GRM5: variants seen among roughly 807,000 people sequenced by gnomAD.
The protein encoded by GRM5 is metabotropic glutamate receptor 5.
A neutral mutation model predicts 83.1 loss-of-function variants in GRM5; 19 were observed. The ratio of observed to expected loss-of-function variants is 0.23; its 90% CI spans 0.16 to 0.34. GRM5 has a LOEUF of 0.34. GRM5 is among the 10% of genes least tolerant of loss of function. The pLI is 1.00. For missense variants in GRM5, 1,160 were observed against 1,588.3 expected (o/e 0.73, Z 4.58); for synonymous variants, 675 against 633.6 (o/e 1.07, Z -0.98).
Position 88,637,731 on chromosome 11 carries a change from G to C in GRM5, c.1147+15437C>G, listed in dbSNP as rs1396572499. Among the ~76,000 whole-genome samples the C allele has an allele frequency of 3.9e-4, 58 of 148,434 alleles. 1 individual carries two copies. Among genetic ancestry groups the C allele is most frequent in the Admixed American group, 3.5e-3 (52 of 14,806 alleles). On this transcript the variant is annotated intron_variant, in intron 4 of 9. Transcript: ENST00000305447. ...GGGAGTGTAAACTAGTTCAACCATT[G>C]TGGAAGTCAGTGTGGTGATTCCTCA... is the stretch of plus-strand genomic sequence containing the variant.
rs1055089985 is a variant in GRM5, at chr11:88,686,870, G to A, written c.912-33467C>T. Among the ~76,000 whole-genome samples, 11 of 151,900 alleles carry A rather than the reference G, an allele frequency of 7.2e-5. 1 individual carries two copies. The South Asian group carries it at 1.0e-3, about 14-fold the overall frequency. On this transcript the variant is annotated intron_variant, in intron 3 of 9. Coordinates refer to ENST00000305447, the MANE Select transcript of GRM5 (RefSeq NM_001143831.3). ...TTGTCTTTATCAGCAGCATGAAAACGGACTAATACAGACTCTCATGGCACT... is the reference window on the plus strand; with the variant it reads ...TTGTCTTTATCAGCAGCATGAAAACAGACTAATACAGACTCTCATGGCACT...
At chr11:88,996,125 G>T (rs960595182) in intron 2 of GRM5, among the ~76,000 whole-genome samples, 1 of 152,132 alleles carries the variant, frequency 6.6e-6, no homozygotes, top group African/African-American at 2.4e-5. Context: ...ATCACCCAAC[G>T]TATTAGTTTC....
chr11:88,676,431 G>A, intron 3 of GRM5, among the ~76,000 whole-genome samples: 1 of 151,942 alleles, frequency 6.6e-6, no homozygotes, highest in East Asian at 1.9e-4. Flanking sequence ...ATACACACTT[G>A]AAGTTCCTTG....
intron 4 of GRM5, among the ~76,000 whole-genome samples, chr11:88,636,354 A>T (rs1442705074): frequency 6.6e-6 from 1 of 152,170 alleles, no homozygotes; most frequent in Non-Finnish European, 1.5e-5. Context: ...CCTACTAGAA[A>T]TACCAAAATT....
chr11:88,634,598 A>G (rs938139069), intron 4 of GRM5, among the ~76,000 whole-genome samples: 1 of 152,198 alleles, frequency 6.6e-6, no homozygotes, highest in African/African-American at 2.4e-5. Flanking sequence ...TTCAGGGGCA[A>G]TAACACACGG....
At chr11:88,863,398 T>A (rs1171851273) in intron 2 of GRM5, among the ~76,000 whole-genome samples, 1 of 150,652 alleles carries the variant, frequency 6.6e-6, no homozygotes, top group African/African-American at 2.4e-5. Flanking sequence ...TAAAAAAAAA[T>A]GATACATATA....
chr11:88,764,237 G>A (rs1343530788), intron 3 of GRM5, among the ~76,000 whole-genome samples: 1 of 151,548 alleles, frequency 6.6e-6, no homozygotes, highest in Admixed American at 6.6e-5. Context: ...GATTTAAAGA[G>A]AGAATAGTCC....
At chr11:89,030,822 A>G (rs1941244113) in intron 2 of GRM5, among the ~76,000 whole-genome samples, 1 of 152,060 alleles carries the variant, frequency 6.6e-6, no homozygotes, top group Non-Finnish European at 1.5e-5. Flanking sequence ...TTCTAATACT[A>G]TGGACAAACA....
chr11:88,957,174 G>A (rs1938643986), intron 2 of GRM5, among the ~76,000 whole-genome samples: 1 of 152,164 alleles, frequency 6.6e-6, no homozygotes, highest in African/African-American at 2.4e-5. Context: ...CGATGAGTAG[G>A]AATTTTCCAG....
At chr11:88,966,483 A>G (rs1938966316) in intron 2 of GRM5, among the ~76,000 whole-genome samples, 1 of 152,292 alleles carries the variant, frequency 6.6e-6, no homozygotes, top group Middle Eastern at 3.4e-3. Context: ...ATAAATACCA[A>G]TATCAGGAAT....
At chr11:88,983,524 C>T (rs555011109) in intron 2 of GRM5, among the ~76,000 whole-genome samples, 59 of 152,282 alleles carry the variant, frequency 3.9e-4, no homozygotes, top group African/African-American at 1.3e-3. Flanking sequence ...TGTGGTGATG[C>T]TGGTGTACAA....
chr11:88,933,039 G>A (rs963710242), intron 2 of GRM5, among the ~76,000 whole-genome samples: 3 of 151,720 alleles, frequency 2.0e-5, no homozygotes, highest in Non-Finnish European at 4.4e-5. Flanking sequence ...TCATCTCAGA[G>A]ACAAGTCTTC....
chr11:88,733,040 A>T (rs1300628443), intron 3 of GRM5, among the ~76,000 whole-genome samples: 1 of 152,102 alleles, frequency 6.6e-6, no homozygotes, highest in African/African-American at 2.4e-5. Context: ...TTTCATAGAC[A>T]TGACCCAATA....
intron 3 of GRM5, among the ~76,000 whole-genome samples, chr11:88,683,542 A>C (rs544505344): frequency 6.6e-5 from 10 of 152,236 alleles, no homozygotes; most frequent in Non-Finnish European, 1.5e-4. Context: ...TGAATCTGTC[A>C]GTTCTCATTG....
At chr11:88,648,735 A>G (rs1040083100) in intron 4 of GRM5, among the ~76,000 whole-genome samples, 4 of 151,942 alleles carry the variant, frequency 2.6e-5, no homozygotes, top group Non-Finnish European at 4.4e-5. Context: ...CACTTGAGGA[A>G]TGTAGACTCC....
At chr11:88,928,907 T>TATATATATACACACACACAC (rs369951090) in intron 2 of GRM5, among the ~76,000 whole-genome samples, 4 of 138,674 alleles carry the variant, frequency 2.9e-5, no homozygotes, top group African/African-American at 1.1e-4. Context: ...TATGTGTATA[T>TATATATATACACACACACAC]ACACACACAC....
rs543620794 is a variant in GRM5, at chr11:88,848,301, C to T, written c.911+1605G>A. On this transcript the variant is annotated intron_variant, in intron 3 of 9. Transcript: ENST00000305447. Reference sequence around the variant, plus strand: ...TATTGAAGGATGTGTGGCCTCATACCAAAATAGCCCCATCAATCTATTGCC... The same window carrying T: ...TATTGAAGGATGTGTGGCCTCATACTAAAATAGCCCCATCAATCTATTGCC... Among the ~76,000 whole-genome samples the T allele has an allele frequency of 3.3e-5, 5 of 152,224 alleles. No homozygotes were observed. In the East Asian group the frequency reaches 9.6e-4, roughly 29 times the overall value.
intron 3 of GRM5, among the ~76,000 whole-genome samples, chr11:88,823,668 C>T (rs1404007199): frequency 6.6e-6 from 1 of 152,152 alleles, no homozygotes; most frequent in Non-Finnish European, 1.5e-5. Flanking sequence ...GAAGGAGATA[C>T]TCCCACTTTC....
At chr11:88,798,926 G>A (rs1943338098) in intron 3 of GRM5, among the ~76,000 whole-genome samples, 1 of 151,340 alleles carries the variant, frequency 6.6e-6, no homozygotes, top group African/African-American at 2.4e-5. Context: ...CTTGGCACCT[G>A]TTCTAAGCTA....
Sources: gnomAD v4.1 joint callset for allele counts (sites outside exome capture counted in the v4.1 genomes callset) on GRCh38, gnomAD v4.1.1 for gene constraint, MANE v1.5 for transcripts, NCBI Gene and HGNC (gene_info 2026-07-23, HGNC 2026-07-21) for gene names.